ACTR1A: variants seen among roughly 807,000 people sequenced by gnomAD.
ACTR1A encodes actin related protein 1A.
A neutral mutation model predicts 50.7 loss-of-function variants in ACTR1A; 10 were observed. The ratio of observed to expected loss-of-function variants is 0.20; its 90% CI spans 0.12 to 0.33. The LOEUF (loss-of-function observed/expected upper bound fraction) is 0.33. Among genes scored for constraint, ACTR1A ranks in the 10% least tolerant of loss-of-function variants. The probability of loss-of-function intolerance (pLI) is 1.00; values close to 1 mark genes in which losing one functional copy is unlikely to be tolerated. For synonymous variants in ACTR1A, 177 were observed against 184.2 expected (o/e 0.96, Z 0.32); for missense variants, 253 against 491.7 (o/e 0.51, Z 4.59).
At position 102,482,905 on chromosome 10, in the gene ACTR1A, G is replaced by A. The variant is rs1164836776; in HGVS notation, c.750+106C>T. The A allele has an allele frequency of 1.1e-6, 1 of 944,196 alleles. No individual in the cohort carries two copies. The highest frequency in any genetic ancestry group is 1.7e-6 in the Non-Finnish European group (1 of 588,466). 58.5% of individuals were successfully genotyped at this position (944,196 alleles called of 1,614,324 possible). The stretch of plus-strand genomic sequence containing the variant: ...GGGCCAGGGGTTGGACAAGCTTGGT[G>A]TAAAGGGACTGGCCTGCCAGACTCC... On this transcript the variant is annotated intron_variant, in intron 7 of 10. Transcript: ENST00000369905. The surrounding 1 kb of genome is among the most constrained non-coding windows in gnomAD (Gnocchi z 5.6).
rs1040491375 is a variant in ACTR1A, at chr10:102,489,580, G to A, written c.114-442C>T. Among the ~76,000 whole-genome samples the A allele has an allele frequency of 4.6e-5, 7 of 152,204 alleles. No homozygotes were observed. The East Asian group carries it at 1.2e-3, about 25-fold the overall frequency. ...TATAATCCCAGCACTTTGGGAGGCTGAGGCAGGTGGATCATTTGAGGTCAA... is the reference window on the plus strand; with the variant it reads ...TATAATCCCAGCACTTTGGGAGGCTAAGGCAGGTGGATCATTTGAGGTCAA... On this transcript the variant is annotated intron_variant, in intron 2 of 10. Coordinates refer to ENST00000369905, the MANE Select transcript of ACTR1A (RefSeq NM_005736.4).
At chr10:102,489,307 C>A (rs989689003) in intron 2 of ACTR1A, among the ~76,000 whole-genome samples, 169 bp from the exon 3 acceptor site, 1 of 151,960 alleles carries the variant, frequency 6.6e-6, no homozygotes, top group African/African-American at 2.4e-5. Context: ...TCCACAATTT[C>A]TAAAATGAAC....
chr10:102,497,763 G>C (rs960294918), intron 1 of ACTR1A, among the ~76,000 whole-genome samples: 3 of 151,954 alleles, frequency 2.0e-5, no homozygotes, highest in African/African-American at 7.3e-5. Context: ...ATTTTATGAT[G>C]ATGGTTGTTT....
In ACTR1A at chr10:102,486,939, A is replaced by G. The variant is rs189453131; in HGVS notation, c.316-1206T>C. Among the ~76,000 whole-genome samples the G allele has an allele frequency of 2.1e-3, 308 of 144,982 alleles. 6 individuals are homozygous for G. In the East Asian group the frequency reaches 0.045, roughly 21 times the overall value. ...GTAGCTGGGACTACAGGCACGCACCACTGTACCCGGCTATTTTTTTTTTTT... is the reference window on the plus strand; with the variant it reads ...GTAGCTGGGACTACAGGCACGCACCGCTGTACCCGGCTATTTTTTTTTTTT... On this transcript the variant is annotated intron_variant, in intron 4 of 10. Coordinates refer to ENST00000369905, the MANE Select transcript of ACTR1A (RefSeq NM_005736.4).
At chr10:102,502,466 G>A (rs2062262751) in intron 1 of ACTR1A, 134 bp downstream of exon 1, 3 of 897,986 alleles carry the variant, frequency 3.3e-6, no homozygotes, top group Non-Finnish European at 5.4e-6. Flanking sequence ...GGAGGAAGGA[G>A]GCGGCGGTGG....
At position 102,480,290 on chromosome 10, in the gene ACTR1A, C is replaced by T. The variant is rs1281943651; in HGVS notation, c.*573G>A. 6.2e-6 allele frequency: 1 copy of T among 160,938 alleles called. No homozygotes were observed. Among genetic ancestry groups the T allele is most frequent in the African/African-American group, 2.4e-5 (1 of 41,510 alleles). 10.0% of individuals were successfully genotyped at this position (160,938 alleles called of 1,614,324 possible). On this transcript the variant is annotated 3_prime_UTR_variant, in exon 11 of 11. Transcript: ENST00000369905. ...TGTTCCCTGGTGAACATGAGGGCCT[C>T]CTGCTCTCTCCTGACTCCAGTCTCT...
At position 102,479,777 on chromosome 10, in the gene ACTR1A, C is replaced by T; in HGVS notation, c.*1086G>A. 1 of 935,802 alleles carries T rather than the reference C, an allele frequency of 1.1e-6. No homozygotes were observed. The highest frequency in any genetic ancestry group is 1.4e-6 in the Non-Finnish European group (1 of 699,420). 58.0% of individuals were successfully genotyped at this position (935,802 alleles called of 1,614,324 possible). A position where few individuals can be genotyped will look rare whatever the true frequency, so the allele number is the denominator to read the frequency against. On this transcript the variant is annotated 3_prime_UTR_variant, in exon 11 of 11. Transcript: ENST00000369905. This position sits in a 1 kb window ranked among gnomAD's most constrained non-coding sequence, Gnocchi z 4.0. Reference sequence around the variant, plus strand: ...TTAAGGGCACTGGCTCTCCAACACCCCTCCCTTGCTTAGGGGCCTCTGCCA... The same window carrying T: ...TTAAGGGCACTGGCTCTCCAACACCTCTCCCTTGCTTAGGGGCCTCTGCCA...
chr10:102,490,232 C>CAAAAAA (rs145472595), intron 2 of ACTR1A, among the ~76,000 whole-genome samples: 2 of 45,710 alleles, frequency 4.4e-5, no homozygotes, highest in African/African-American at 9.7e-5. Context: ...GACTCCGTCT[C>CAAAAAA]AAAAAAAAAA....
intron 1 of ACTR1A, among the ~76,000 whole-genome samples, chr10:102,500,703 G>A (rs1484977575): frequency 6.6e-6 from 1 of 152,156 alleles, no homozygotes; most frequent in Non-Finnish European, 1.5e-5. Context: ...GCTGCAGTGA[G>A]CTGAGATCGC....
Position 102,480,474 on chromosome 10 carries a change from T to C in ACTR1A, c.*389A>G. 4.8e-6 allele frequency: 1 copy of C among 208,202 alleles called. No individual in the cohort carries two copies. The highest frequency in any genetic ancestry group is 9.8e-6 in the Non-Finnish European group (1 of 102,556). 12.9% of individuals were successfully genotyped at this position (208,202 alleles called of 1,614,324 possible). A position where few individuals can be genotyped will look rare whatever the true frequency, so the allele number is the denominator to read the frequency against. The stretch of plus-strand genomic sequence containing the variant: ...CCTCAGGGCACCCTGGGGGTGGGGG[T>C]GAGGGTGGGGCCAGCCCAGCCTAGG... On this transcript the variant is annotated 3_prime_UTR_variant, in exon 11 of 11. Transcript: ENST00000369905.
At chr10:102,500,084 C>A (rs2062240690) in intron 1 of ACTR1A, among the ~76,000 whole-genome samples, 1 of 152,162 alleles carries the variant, frequency 6.6e-6, no homozygotes, top group South Asian at 2.1e-4. Flanking sequence ...AGAATATCAT[C>A]TTTTTCCACA....
chr10:102,496,371 A>G (rs1218936796), intron 1 of ACTR1A, among the ~76,000 whole-genome samples: 3 of 152,182 alleles, frequency 2.0e-5, no homozygotes, highest in African/African-American at 7.2e-5. Context: ...TCTTTTGAGT[A>G]TATTTCCATT....
Position 102,479,769 on chromosome 10 carries a change from C to A in ACTR1A, c.*1094G>T. On this transcript the variant is annotated 3_prime_UTR_variant, in exon 11 of 11. Coordinates refer to ENST00000369905, the MANE Select transcript of ACTR1A (RefSeq NM_005736.4). This position sits in a 1 kb window ranked among gnomAD's most constrained non-coding sequence, Gnocchi z 4.0. Reference sequence around the variant, plus strand: ...CTCCAGTCTTAAGGGCACTGGCTCTCCAACACCCCTCCCTTGCTTAGGGGC... The same window carrying A: ...CTCCAGTCTTAAGGGCACTGGCTCTACAACACCCCTCCCTTGCTTAGGGGC... The A allele has an allele frequency of 1.0e-6, 1 of 991,488 alleles. No homozygotes were observed. The highest frequency in any genetic ancestry group is 1.4e-6 in the Non-Finnish European group (1 of 740,694). The allele number at this position is 991,488 out of a possible 1,614,324, so 61.4% of individuals were successfully genotyped here.
chr10:102,479,765 C>T lies in ACTR1A; in HGVS notation c.*1098G>A. 9.8e-7 allele frequency: 1 copy of T among 1,016,824 alleles called. No homozygotes were observed. The highest frequency in any genetic ancestry group is 1.3e-6 in the Non-Finnish European group (1 of 761,336). 63.0% of individuals were successfully genotyped at this position (1,016,824 alleles called of 1,614,324 possible). A position where few individuals can be genotyped will look rare whatever the true frequency, so the allele number is the denominator to read the frequency against. ...CTTTCTCCAGTCTTAAGGGCACTGG[C>T]TCTCCAACACCCCTCCCTTGCTTAG... On this transcript the variant is annotated 3_prime_UTR_variant, in exon 11 of 11. Coordinates refer to ENST00000369905, the MANE Select transcript of ACTR1A (RefSeq NM_005736.4). This position sits in a 1 kb window ranked among gnomAD's most constrained non-coding sequence, Gnocchi z 4.0.
chr10:102,491,481 T>C (rs2062194061), intron 1 of ACTR1A, among the ~76,000 whole-genome samples: 1 of 152,152 alleles, frequency 6.6e-6, no homozygotes, highest in Non-Finnish European at 1.5e-5. Context: ...CTTTGGGAGA[T>C]TTTTGTTGTT....
At chr10:102,499,808 C>T (rs1038370069) in intron 1 of ACTR1A, among the ~76,000 whole-genome samples, 1 of 152,190 alleles carries the variant, frequency 6.6e-6, no homozygotes, top group Non-Finnish European at 1.5e-5. Context: ...ACATCAAGAA[C>T]AAAAAGTCCT....
chr10:102,485,701 G>A lies in ACTR1A; in HGVS notation c.348C>T (p.Asn116=). Reference sequence around the variant, plus strand: ...CAGCTCGTTCCCGGTTTTTTCGTGGGTTTAAAGGCGCCTCAGTCAGGAGCA... The same window carrying A: ...CAGCTCGTTCCCGGTTTTTTCGTGGATTTAAAGGCGCCTCAGTCAGGAGCA... The part of the protein sequence containing the change: ...HPVLLTEAPL[N]PRKNRERAAE... The change falls in exon 5 of 11, where the codon AAC becomes AAT. Residue 116 remains asparagine, a synonymous_variant. Coordinates refer to ENST00000369905, the MANE Select transcript of ACTR1A (RefSeq NM_005736.4). The A allele has an allele frequency of 1.9e-6, 3 of 1,614,094 alleles. No individual in the cohort carries two copies. The highest frequency in any genetic ancestry group is 2.5e-6 in the Non-Finnish European group (3 of 1,180,024).
At chr10:102,498,335 T>C (rs1235590862) in intron 1 of ACTR1A, among the ~76,000 whole-genome samples, 1 of 151,836 alleles carries the variant, frequency 6.6e-6, no homozygotes, top group African/African-American at 2.4e-5. Flanking sequence ...TTTTTTTTTT[T>C]TTAAAGGGGG....
rs1301574026 is a variant in ACTR1A at position 102,491,991 on chromosome 10, G to A, written c.49-1378C>T. On this transcript the variant is annotated intron_variant, in intron 1 of 10. Transcript: ENST00000369905. ...TCACCGTGTTAGCCAGGATGATCTC[G>A]ATCTCCTGACCTCGTGATCCGCCCG... 2.8e-5 allele frequency among the ~76,000 whole-genome samples: 4 copies of A among 141,258 alleles called. No individual in the cohort carries two copies. The East Asian group carries it at 8.3e-4, about 29-fold the overall frequency. 92.7% of individuals were successfully genotyped at this position (141,258 alleles called of 152,430 possible). A position where few individuals can be genotyped will look rare whatever the true frequency, so the allele number is the denominator to read the frequency against.
Sources: allele counts gnomAD v4.1 joint callset (sites outside exome capture counted in the v4.1 genomes callset), GRCh38; gene constraint gnomAD v4.1.1; non-coding constraint Gnocchi (gnomAD v3.1); transcripts MANE v1.5; gene names NCBI Gene and HGNC (gene_info 2026-07-23, HGNC 2026-07-21).